Variants in PDE4D observed in about 807,000 individuals in gnomAD.
PDE4D encodes the protein phosphodiesterase 4D, also known as 3',5'-cyclic-AMP phosphodiesterase 4D.
In PDE4D, 24 loss-of-function variants were observed where a neutral mutation model predicts 87.4. The observed-to-expected ratio is 0.27, with a 90% CI of 0.20 to 0.39. The LOEUF (loss-of-function observed/expected upper bound fraction) is 0.39, where lower values mean the gene tolerates loss of function less well. PDE4D is among the 10% of genes least tolerant of loss of function. The pLI, the probability that PDE4D is intolerant of heterozygous loss-of-function variation, is 1.00. For synonymous variants in PDE4D, 384 were observed against 383.2 expected (o/e 1.00, Z -0.02); for missense variants, 714 against 1,041.0 (o/e 0.69, Z 4.32).
chr5:59,010,848 C>T (rs112663480), intron 6 of PDE4D, among the ~76,000 whole-genome samples: 52 of 152,146 alleles, frequency 3.4e-4, no homozygotes, highest in Non-Finnish European at 8.8e-5. Flanking sequence ...CTTCCTCAAG[C>T]GGGTCCCTGA....
rs80169787 is a variant in PDE4D at position 60,294,702 on chromosome 5, T to A, written c.-89-109015A>T. Among the ~76,000 whole-genome samples the A allele has an allele frequency of 8.8e-3, 1,346 of 152,252 alleles. 20 individuals are homozygous for A. Among genetic ancestry groups the A allele is most frequent in the African/African-American group, 0.031 (1,268 of 41,566 alleles). Reference sequence around the variant, plus strand: ...TGTGTCTATTTCTGGACTCTTTTATTTCCTTCATTTATTTGTCTATCCTTA... The same window carrying A: ...TGTGTCTATTTCTGGACTCTTTTATATCCTTCATTTATTTGTCTATCCTTA... On this transcript the variant is annotated intron_variant, in intron 1 of 16. Transcript: ENST00000502484.
chr5:59,181,110 C>T (rs1273068958), intron 4 of PDE4D, among the ~76,000 whole-genome samples: 1 of 152,104 alleles, frequency 6.6e-6, no homozygotes, highest in African/African-American at 2.4e-5. Flanking sequence ...ATTAGAGAAG[C>T]TATTTGAACT....
At chr5:60,023,090 C>T (rs1766250453) in intron 2 of PDE4D, among the ~76,000 whole-genome samples, 1 of 152,130 alleles carries the variant, frequency 6.6e-6, no homozygotes, top group African/African-American at 2.4e-5. Flanking sequence ...AATCCTGACA[C>T]TCACTTGTTT....
At chr5:59,210,642 A>G (rs1284632020) in intron 2 of PDE4D, among the ~76,000 whole-genome samples, 2 of 152,208 alleles carry the variant, frequency 1.3e-5, no homozygotes, top group African/African-American at 2.4e-5. Context: ...TGGTATATCA[A>G]ATCTACTCAC....
Position 58,975,155 on chromosome 5 carries a change from G to T in PDE4D, c.2014-75C>A. 2.3e-6 allele frequency: 2 copies of T among 869,158 alleles called. No homozygotes were observed. The highest frequency in any genetic ancestry group is 3.3e-6 in the Non-Finnish European group (2 of 608,838). The allele number at this position is 869,158 out of a possible 1,614,324, so 53.8% of individuals were successfully genotyped here. ...CAATGGAAAAGCTTAATTAGATCATGGCCCACAAATAAAACACTGAACAGA... is the reference window on the plus strand; with the variant it reads ...CAATGGAAAAGCTTAATTAGATCATTGCCCACAAATAAAACACTGAACAGA... On this transcript the variant is annotated intron_variant, in intron 14 of 14. Coordinates refer to ENST00000340635, the MANE Select transcript of PDE4D (RefSeq NM_001104631.2). This position sits in a 1 kb window ranked among gnomAD's most constrained non-coding sequence, Gnocchi z 4.2.
At chr5:59,285,657 G>A (rs1268113533) in intron 1 of PDE4D, among the ~76,000 whole-genome samples, 2 of 152,078 alleles carry the variant, frequency 1.3e-5, no homozygotes, top group African/African-American at 2.4e-5. Context: ...TAGGAAAAAT[G>A]GCCTTAATCT....
At chr5:59,138,875 A>T (rs887862720) in intron 5 of PDE4D, among the ~76,000 whole-genome samples, 1 of 152,240 alleles carries the variant, frequency 6.6e-6, no homozygotes, top group East Asian at 1.9e-4. Flanking sequence ...AACTAATATT[A>T]TGACATTGTA....
intron 1 of PDE4D, among the ~76,000 whole-genome samples, chr5:60,380,865 G>C (rs1045980704): frequency 3.9e-5 from 6 of 152,070 alleles, no homozygotes; most frequent in Non-Finnish European, 7.4e-5. Flanking sequence ...CGTCTCAAAG[G>C]CAGAACTCAA....
In PDE4D at chr5:60,091,386, T is replaced by G. The variant is rs949965447; in HGVS notation, c.42+94171A>C. 4.6e-5 allele frequency among the ~76,000 whole-genome samples: 7 copies of G among 152,210 alleles called. No individual in the cohort carries two copies. In the South Asian group the frequency reaches 1.2e-3, roughly 27 times the overall value. Reference sequence around the variant, plus strand: ...GCTAATGAGTGTATTTAAAAAAACCTCAACATCACTTAATTATCAGGGAAA... The same window carrying G: ...GCTAATGAGTGTATTTAAAAAAACCGCAACATCACTTAATTATCAGGGAAA... On this transcript the variant is annotated intron_variant, in intron 2 of 16. Transcript: ENST00000502484.
chr5:59,100,604 T>A (rs987464460), intron 5 of PDE4D, among the ~76,000 whole-genome samples: 1 of 152,194 alleles, frequency 6.6e-6, no homozygotes, highest in African/African-American at 2.4e-5. Flanking sequence ...TTCAGTTGAC[T>A]GTGAATACAG....
intron 1 of PDE4D, chr5:59,587,444 A>G (rs1825329643): frequency 6.1e-6 from 6 of 985,178 alleles, no homozygotes; most frequent in Non-Finnish European, 7.2e-6. Context: ...TGCCCAAGCT[A>G]TACAGACCTT....
At chr5:59,461,666 G>C (rs1262709117) in intron 1 of PDE4D, among the ~76,000 whole-genome samples, 1 of 152,156 alleles carries the variant, frequency 6.6e-6, no homozygotes, top group African/African-American at 2.4e-5. Context: ...TCTCAGTTCA[G>C]TCAAAATGTT....
chr5:59,079,643 T>C (rs941325775), intron 5 of PDE4D, among the ~76,000 whole-genome samples: 12 of 138,466 alleles, frequency 8.7e-5, no homozygotes, highest in East Asian at 2.0e-4. Context: ...CTGGGCAACA[T>C]AGCAGGACCC....
At position 58,991,996 on chromosome 5, in the gene PDE4D, G is replaced by A; in HGVS notation, c.1024C>T (p.His342Tyr). The stretch of plus-strand genomic sequence containing the variant: ...GTTGGAGAAGGAATTTCCACTTCAT[G>A]TTGCTTATCTTGAGAAATTTAGAAA... The part of the protein sequence containing the change: ...FISNTFLDKQ[H>Y]EVEIPSPTQK... The change falls in exon 8 of 15, where the codon CAT becomes TAT. Residue 342 changes from histidine to tyrosine, a missense_variant. Physicochemically the swap from His to Tyr is moderately conservative, Grantham distance 83. This residue lies in a region of PDE4D where 141 missense variants were observed against 204.3 expected (regional missense o/e 0.69). Coordinates refer to ENST00000340635, the MANE Select transcript of PDE4D (RefSeq NM_001104631.2). 3 of 1,564,782 alleles carry A rather than the reference G, an allele frequency of 1.9e-6. No homozygotes were observed. The highest frequency in any genetic ancestry group is 2.6e-6 in the Non-Finnish European group (3 of 1,156,970).
intron 1 of PDE4D, among the ~76,000 whole-genome samples, chr5:59,762,315 T>TGGGTACACATATGCGTATAC (rs1762115788): frequency 6.8e-6 from 1 of 147,940 alleles, no homozygotes; most frequent in African/African-American, 2.6e-5. Context: ...TATGCGTATA[T>TGGGTACACATATGCGTATAC]GGGTACACAT....
At chr5:58,998,238 G>T (rs1319119615) in intron 6 of PDE4D, among the ~76,000 whole-genome samples, 2 of 152,018 alleles carry the variant, frequency 1.3e-5, no homozygotes, top group Non-Finnish European at 2.9e-5. Context: ...TCCTCAAAAA[G>T]AAACGTACTA....
chr5:59,504,946 G>A (rs568710614), intron 1 of PDE4D, among the ~76,000 whole-genome samples: 67 of 150,786 alleles, frequency 4.4e-4, no homozygotes, highest in East Asian at 3.3e-3. Context: ...GTGTGCGTGC[G>A]CGTGTGTTTG....
chr5:59,296,793 ACACACG>A (rs1769190537), intron 1 of PDE4D, among the ~76,000 whole-genome samples: 1 of 149,838 alleles, frequency 6.7e-6, no homozygotes, highest in South Asian at 2.2e-4. Flanking sequence ...ACACACACAC[ACACACG>A]CGTGCATGCA....
chr5:59,053,533 T>G (rs184689245), intron 5 of PDE4D, among the ~76,000 whole-genome samples: 27 of 152,244 alleles, frequency 1.8e-4, no homozygotes, highest in Non-Finnish European at 3.5e-4. Flanking sequence ...ACTAAAATTA[T>G]TATATGTGTG....
Sources: allele counts gnomAD v4.1 joint callset (sites outside exome capture counted in the v4.1 genomes callset), GRCh38; gene constraint gnomAD v4.1.1; regional missense constraint gnomAD v4.1.1; non-coding constraint Gnocchi (gnomAD v3.1); transcripts MANE v1.5; gene names NCBI Gene and HGNC (gene_info 2026-07-23, HGNC 2026-07-21).